The following CATSPERT variants were observed in gnomAD, a reference collection of about 807,000 sequenced individuals.
CATSPERT encodes catsper channel auxiliary subunit tau, also known as cation channel sperm-associated targeting subunit tau.
the CATSPERT span, chr2:201,494,342 C>CATATA: frequency 6.5e-7 from 1 of 1,536,934 alleles, no homozygotes; most frequent in Non-Finnish European, 8.7e-7. Flanking sequence ...TTTAAATATT[C>CATATA]TATATGGGGG....
chr2:201,618,919 G>GT, the CATSPERT span: 1 of 1,613,766 alleles, frequency 6.2e-7, no homozygotes, highest in Admixed American at 1.7e-5. Flanking sequence ...CCGGTGCCCG[G>GT]TGCCCTCCTG....
At chr2:201,584,039 A>G in the CATSPERT span, among the ~76,000 whole-genome samples, 1 of 152,224 alleles carries the variant, frequency 6.6e-6, no homozygotes, top group Non-Finnish European at 1.5e-5. Flanking sequence ...AAGGAATCCC[A>G]GCACTTTGGG....
the CATSPERT span, among the ~76,000 whole-genome samples, chr2:201,561,429 G>C: frequency 6.6e-6 from 1 of 152,148 alleles, no homozygotes; most frequent in Non-Finnish European, 1.5e-5. Context: ...TGGGAAACAG[G>C]CAGGAGGATG....
At chr2:201,487,993 A>G in the CATSPERT span, 1 of 1,022,474 alleles carries the variant, frequency 9.8e-7, no homozygotes, top group South Asian at 1.7e-5. Flanking sequence ...GGATGGTCAA[A>G]AGAAAAAAGA....
the CATSPERT span, among the ~76,000 whole-genome samples, chr2:201,519,504 G>C: frequency 6.6e-6 from 1 of 151,770 alleles, no homozygotes; most frequent in African/African-American, 2.4e-5. Flanking sequence ...TCTAGTAACA[G>C]ACCCCTAGCA....
At chr2:201,590,387 G>C in the CATSPERT span, among the ~76,000 whole-genome samples, 11 of 152,130 alleles carry the variant, frequency 7.2e-5, no homozygotes, top group Admixed American at 3.3e-4. Context: ...GTCTATCATT[G>C]TTCGACATTT....
chr2:201,558,567 TAGC>T, the CATSPERT span, among the ~76,000 whole-genome samples: 136 of 152,316 alleles, frequency 8.9e-4, no homozygotes, highest in Middle Eastern at 3.4e-3. Flanking sequence ...GGGAAAAGGT[TAGC>T]AGAATATCCC....
At chr2:201,538,084 T>C in the CATSPERT span, among the ~76,000 whole-genome samples, 1 of 151,970 alleles carries the variant, frequency 6.6e-6, no homozygotes, top group Non-Finnish European at 1.5e-5. Context: ...CAAAACACAA[T>C]AATGTTAACT....
At chr2:201,505,947 T>C in the CATSPERT span, among the ~76,000 whole-genome samples, 3 of 152,178 alleles carry the variant, frequency 2.0e-5, no homozygotes, top group Non-Finnish European at 2.9e-5. Context: ...TAAAAGGTTA[T>C]TTTAAAAAAC....
chr2:201,582,107 A>C, the CATSPERT span: 2 of 1,603,804 alleles, frequency 1.2e-6, no homozygotes, highest in Non-Finnish European at 1.7e-6. Context: ...GAATTACCTC[A>C]TAAAGATGTA....
At chr2:201,618,221 A>C in the CATSPERT span, among the ~76,000 whole-genome samples, 2 of 152,230 alleles carry the variant, frequency 1.3e-5, no homozygotes, top group Admixed American at 1.3e-4. Flanking sequence ...ATATACCCAA[A>C]GGATTATAAA....
the CATSPERT span, among the ~76,000 whole-genome samples, chr2:201,600,352 C>T: frequency 1.4e-4 from 21 of 152,170 alleles, no homozygotes; most frequent in East Asian, 9.7e-4. Flanking sequence ...AAACAAACAC[C>T]GCATATTCTC....
chr2:201,564,749 A>G, the CATSPERT span, among the ~76,000 whole-genome samples: 1 of 152,210 alleles, frequency 6.6e-6, no homozygotes, highest in Non-Finnish European at 1.5e-5. Context: ...GGCCCTCAGC[A>G]GGAATCAAAT....
At chr2:201,549,445 C>T in the CATSPERT span, among the ~76,000 whole-genome samples, 1 of 151,986 alleles carries the variant, frequency 6.6e-6, no homozygotes, top group Non-Finnish European at 1.5e-5. Context: ...CACCCATAAC[C>T]ATATTATACA....
chr2:201,563,695 C>CT, the CATSPERT span, among the ~76,000 whole-genome samples: 3 of 152,174 alleles, frequency 2.0e-5, no homozygotes, highest in Admixed American at 1.3e-4. Context: ...TCATTATACT[C>CT]TAAGTTCTTT....
At chr2:201,530,146 A>G in the CATSPERT span, among the ~76,000 whole-genome samples, 3 of 152,204 alleles carry the variant, frequency 2.0e-5, no homozygotes, top group African/African-American at 7.2e-5. Flanking sequence ...CTTGTACACT[A>G]TTTGTGGGAA....
the CATSPERT span, among the ~76,000 whole-genome samples, chr2:201,559,669 T>C: frequency 6.6e-6 from 1 of 152,188 alleles, no homozygotes; most frequent in Non-Finnish European, 1.5e-5. Flanking sequence ...ATGCCACTAA[T>C]ATAGATTATA....
chr2:201,528,553 G>A, the CATSPERT span, among the ~76,000 whole-genome samples: 3 of 152,012 alleles, frequency 2.0e-5, no homozygotes, highest in African/African-American at 7.3e-5. Context: ...AATGTGGTAT[G>A]TATATTCCAC....
chr2:201,536,142 A>G, the CATSPERT span: 4 of 1,613,550 alleles, frequency 2.5e-6, no homozygotes, highest in Non-Finnish European at 3.4e-6. Context: ...ACGTTCACCT[A>G]AAGGTGGTAT....
Sources: gnomAD v4.1 joint callset for allele counts (sites outside exome capture counted in the v4.1 genomes callset) on GRCh38, gnomAD v4.1.1 for gene constraint, MANE v1.5 for transcripts, NCBI Gene and HGNC (gene_info 2026-07-23, HGNC 2026-07-21) for gene names.